Variants in LCLAT1 observed in about 807,000 individuals in gnomAD.
LCLAT1 encodes the protein lysocardiolipin acyltransferase 1, also known as 1-AGP acyltransferase 8.
In LCLAT1, 11 loss-of-function variants were observed where a neutral mutation model predicts 30.7. The ratio of observed to expected loss-of-function variants is 0.36; its 90% CI spans 0.23 to 0.59. The LOEUF (loss-of-function observed/expected upper bound fraction) is 0.59. Ranked by LOEUF, LCLAT1 falls within the 20% of genes least tolerant of loss-of-function variation. The pLI is 0.77. For missense variants in LCLAT1, 402 were observed against 458.6 expected (o/e 0.88, Z 1.13); for synonymous variants, 155 against 151.3 (o/e 1.02, Z -0.18).
intron 5 of LCLAT1, among the ~76,000 whole-genome samples, chr2:30,571,829 A>G (rs774611232): frequency 6.6e-6 from 1 of 152,244 alleles, no homozygotes; most frequent in African/African-American, 2.4e-5. Context: ...GACATTTGCT[A>G]GAATATTTTC....
At chr2:30,527,435 C>G (rs1400400118) in intron 2 of LCLAT1, among the ~76,000 whole-genome samples, 1 of 152,118 alleles carries the variant, frequency 6.6e-6, no homozygotes, top group Non-Finnish European at 1.5e-5. Context: ...AATTATGAAC[C>G]ACACATTTTT....
At chr2:30,540,186 T>C (rs1481848534) in intron 3 of LCLAT1, among the ~76,000 whole-genome samples, 1 of 152,368 alleles carries the variant, frequency 6.6e-6, no homozygotes, top group East Asian at 1.9e-4. Context: ...CAGATTGTTT[T>C]CTTGCACTCA....
chr2:30,494,750 G>A (rs1457577600), intron 1 of LCLAT1, among the ~76,000 whole-genome samples: 3 of 150,678 alleles, frequency 2.0e-5, no homozygotes, highest in Admixed American at 6.6e-5. Flanking sequence ...CTTAATTTCT[G>A]TATGCTGTCC....
At chr2:30,611,344 A>G (rs1300519219) in intron 5 of LCLAT1, among the ~76,000 whole-genome samples, 1 of 152,126 alleles carries the variant, frequency 6.6e-6, no homozygotes, top group African/African-American at 2.4e-5. Context: ...ATTTAGCTCC[A>G]GTTTTAGGAA....
At chr2:30,600,555 A>G (rs1242108352) in intron 5 of LCLAT1, among the ~76,000 whole-genome samples, 4 of 152,150 alleles carry the variant, frequency 2.6e-5, no homozygotes, top group Non-Finnish European at 5.9e-5. Flanking sequence ...AAAAACAAAC[A>G]CTTCAAAAAT....
chr2:30,623,671 A>G (rs544008001), intron 5 of LCLAT1, among the ~76,000 whole-genome samples: 12 of 152,198 alleles, frequency 7.9e-5, no homozygotes, highest in Non-Finnish European at 1.2e-4. Context: ...GGGAAATCTA[A>G]AAGTTTGGAA....
intron 5 of LCLAT1, among the ~76,000 whole-genome samples, chr2:30,569,945 C>G (rs899370342): frequency 2.6e-5 from 4 of 151,660 alleles, no homozygotes; most frequent in African/African-American, 4.8e-5. Flanking sequence ...TGGAGAGGCA[C>G]GAAGACATTC....
intron 2 of LCLAT1, among the ~76,000 whole-genome samples, chr2:30,530,636 C>T (rs1685936365): frequency 1.3e-5 from 2 of 152,158 alleles, no homozygotes; most frequent in African/African-American, 4.8e-5. Context: ...ACCTGAAATT[C>T]CTGGACTCGA....
At chr2:30,629,940 T>C (rs1668689707) in intron 5 of LCLAT1, among the ~76,000 whole-genome samples, 1 of 143,524 alleles carries the variant, frequency 7.0e-6, no homozygotes, top group African/African-American at 2.8e-5. Context: ...TTTCTAGATC[T>C]TTTTTTTTTA....
chr2:30,642,494 G>A lies in LCLAT1; in HGVS notation c.*1875G>A, dbSNP rs886399264. ...TTTATGTTTCTCTAAGATTTCCTTT[G>A]GTTGTATTTAGAAACACAAATAGTT... On this transcript the variant is annotated 3_prime_UTR_variant, in exon 6 of 6. Coordinates refer to ENST00000379509, the MANE Select transcript of LCLAT1 (RefSeq NM_001002257.3). 12 of 147,550 alleles carry A rather than the reference G, an allele frequency of 8.1e-5. No individual in the cohort carries two copies. The highest frequency in any genetic ancestry group is 3.0e-4 in the African/African-American group (12 of 39,904). The allele number at this position is 147,550 out of a possible 1,614,324, so 9.1% of individuals were successfully genotyped here. A position where few individuals can be genotyped will look rare whatever the true frequency, so the allele number is the denominator to read the frequency against.
rs546552249 is a variant in LCLAT1 at position 30,481,439 on chromosome 2, C to G, written c.-5+34056C>G. ...AACTGATGGCTGAGTGATAGGAAGC[C>G]TCAGCATTTAGAGGTCTGGTAGAGG... On this transcript the variant is annotated intron_variant, in intron 1 of 5. Transcript: ENST00000379509. 2.0e-5 allele frequency among the ~76,000 whole-genome samples: 3 copies of G among 151,154 alleles called. No homozygotes were observed. In the East Asian group the frequency reaches 5.9e-4, roughly 30 times the overall value.
intron 1 of LCLAT1, chr2:30,459,762 C>T (rs757048810): frequency 6.5e-6 from 9 of 1,387,232 alleles, no homozygotes; most frequent in Non-Finnish European, 8.2e-6. Context: ...AGGTTTTTGT[C>T]TTGCTTCATA....
rs756858753 is a variant in LCLAT1 at position 30,525,754 on chromosome 2, T to G, written c.164T>G (p.Val55Gly). 7.4e-6 allele frequency: 12 copies of G among 1,613,970 alleles called. No homozygotes were observed. The highest frequency in any genetic ancestry group is 1.3e-5 in the African/African-American group (1 of 74,922). ...RLVATWLTLPVALLETMFGVK... is the reference protein window; with the variant it reads ...RLVATWLTLPGALLETMFGVK... ...GTGGCAACATGGCTCACCCTACCTG[T>G]GGTAAGTTACACACCAGAGGAGACT... Residue 55 changes from valine to glycine, a missense_variant and splice_region_variant, in exon 2 of 6, where the codon GTG (valine) becomes GGG (glycine). Transcript: ENST00000379509.
intron 1 of LCLAT1, among the ~76,000 whole-genome samples, chr2:30,461,007 G>C (rs538639346): frequency 6.6e-6 from 1 of 152,146 alleles, no homozygotes; most frequent in African/African-American, 2.4e-5. Flanking sequence ...CTCTTCCATT[G>C]GGCTGTTCCT....
chr2:30,632,288 A>T (rs1668803872), intron 5 of LCLAT1, among the ~76,000 whole-genome samples: 1 of 152,200 alleles, frequency 6.6e-6, no homozygotes, highest in East Asian at 1.9e-4. Context: ...AACAACAACA[A>T]CAAAAGATGG....
chr2:30,533,516 A>G (rs1686082681), intron 3 of LCLAT1, among the ~76,000 whole-genome samples: 1 of 152,244 alleles, frequency 6.6e-6, no homozygotes, highest in South Asian at 2.1e-4. Context: ...ACTCTGAAAG[A>G]GAAAATAAAC....
rs182191765 is a variant in LCLAT1 at position 30,599,077 on chromosome 2, G to T, written c.628+30901G>T. Among the ~76,000 whole-genome samples, 1,064 of 151,962 alleles carry T rather than the reference G, an allele frequency of 7.0e-3. 13 individuals are homozygous for T. The highest frequency in any genetic ancestry group is 0.025 in the African/African-American group (1,024 of 41,446). On this transcript the variant is annotated intron_variant, in intron 5 of 5. Transcript: ENST00000379509. ...GGCTCACTGCAACCTCCGCCTCCCG[G>T]TTCAAGTTATTCTCCTGCCTCAGCC...
chr2:30,554,342 TG>T (rs1281506579), intron 3 of LCLAT1, among the ~76,000 whole-genome samples: 1 of 152,164 alleles, frequency 6.6e-6, no homozygotes, highest in East Asian at 1.9e-4. Context: ...TACTAAAAAA[TG>T]GAAAATCTAA....
At chr2:30,538,821 T>C (rs891013906) in intron 3 of LCLAT1, among the ~76,000 whole-genome samples, 1 of 151,890 alleles carries the variant, frequency 6.6e-6, no homozygotes, top group African/African-American at 2.4e-5. Context: ...ACTTTCAAGA[T>C]TGAAATAGGG....
Sources: gnomAD v4.1 joint callset for allele counts (sites outside exome capture counted in the v4.1 genomes callset) on GRCh38, gnomAD v4.1.1 for gene constraint, MANE v1.5 for transcripts, NCBI Gene and HGNC (gene_info 2026-07-23, HGNC 2026-07-21) for gene names.